Variants in ZNF735 observed in about 807,000 individuals in gnomAD.
ZNF735 encodes the protein zinc finger protein 735.
In ZNF735, 11 loss-of-function variants were observed where a neutral mutation model predicts 13.4. The ratio of observed to expected loss-of-function variants is 0.82; its 90% CI spans 0.52 to 1.36. ZNF735 has a LOEUF of 1.36. Among genes scored for constraint, ZNF735 ranks in the 40% most tolerant of loss-of-function variants. The probability of loss-of-function intolerance (pLI) is 0.00; values close to 1 mark genes in which losing one functional copy is unlikely to be tolerated. For synonymous variants in ZNF735, 171 were observed against 162.6 expected (o/e 1.05, Z -0.39); for missense variants, 500 against 484.6 (o/e 1.03, Z -0.30).
chr7:64,213,937 C>G, intron 2 of ZNF735, 76 bp from the exon 3 acceptor site: 1 of 1,329,750 alleles, frequency 7.5e-7, no homozygotes, highest in Non-Finnish European at 9.9e-7. Context: ...CCAGCCTGAG[C>G]GACAGAGTGA....
At chr7:64,214,930 A>G (rs1286524995) in intron 3 of ZNF735, among the ~76,000 whole-genome samples, 1 of 151,906 alleles carries the variant, frequency 6.6e-6, no homozygotes, top group African/African-American at 2.4e-5. Flanking sequence ...GATGTAAGGT[A>G]ATTTTGTTTT....
chr7:64,213,369 A>G (rs535751096), intron 2 of ZNF735, among the ~76,000 whole-genome samples, 151 bp downstream of exon 2: 1 of 152,046 alleles, frequency 6.6e-6, no homozygotes, highest in Non-Finnish European at 1.5e-5. Context: ...AAATTCTTCA[A>G]GATGTTTTAT....
chr7:64,208,653 TTA>T lies in ZNF735; in HGVS notation c.39+1416_39+1417del, dbSNP rs368072236. ...ATATCATGAAGTTTTTGTGTACAGA[TTA>T]TATTATCACTCACGTACTAAGCATA... On this transcript the variant is annotated intron_variant, in intron 1 of 3. Coordinates refer to ENST00000429565, the Ensembl canonical transcript of ZNF735. 3.2e-3 allele frequency among the ~76,000 whole-genome samples: 480 copies of T among 152,252 alleles called. 6 individuals carry two copies. The highest frequency in any genetic ancestry group is 0.011 in the African/African-American group (453 of 41,538).
In ZNF735 at chr7:64,219,315, T is replaced by C. The variant is rs1319904076; in HGVS notation, c.264T>C (p.Val88=). Residue 88 remains valine, a splice_region_variant and synonymous_variant, in exon 4 of 4, where the codon GTT becomes GTC. Coordinates refer to ENST00000429565, the Ensembl canonical transcript of ZNF735. ...ACTTGTGATTTTTATGTCTTTCAGT[T>C]ACATGTTCTCATTTCAACCAAGACC... 9 of 1,610,828 alleles carry C rather than the reference T, an allele frequency of 5.6e-6. No individual in the cohort carries two copies. The Admixed American group carries it at 1.0e-4, about 18-fold the overall frequency.
intron 1 of ZNF735, among the ~76,000 whole-genome samples, chr7:64,207,490 C>T (rs192948985): frequency 3.6e-4 from 55 of 152,294 alleles, no homozygotes; most frequent in Admixed American, 2.0e-3. Context: ...CCTCTCTGGG[C>T]AGCTCTGCAC....
At position 64,214,055 on chromosome 7, in the gene ZNF735, A is replaced by C. The variant is rs745805774; in HGVS notation, c.209A>C (p.Gln70Pro). ...CCAGACTTGATCGCCTGTCTGGAGC[A>C]AAATAAAGAGCCCCAGAATATAAAG... Residue 70 changes from glutamine to proline, a missense_variant, in exon 3 of 4, where the codon CAA (glutamine) becomes CCA (proline). Gln to Pro is a moderately conservative substitution (Grantham distance 76, BLOSUM62 -1). Coordinates refer to ENST00000429565, the Ensembl canonical transcript of ZNF735. 9 of 1,600,690 alleles carry C rather than the reference A, an allele frequency of 5.6e-6. No individual in the cohort carries two copies. In the Admixed American group the frequency reaches 1.5e-4, roughly 27 times the overall value.
chr7:64,215,591 T>C (rs962995088), intron 3 of ZNF735, among the ~76,000 whole-genome samples: 3 of 152,198 alleles, frequency 2.0e-5, no homozygotes, highest in African/African-American at 7.2e-5. Context: ...ATGACATGTC[T>C]AAGAAAATGG....
At chr7:64,209,614 A>C (rs1253193037) in intron 1 of ZNF735, among the ~76,000 whole-genome samples, 1 of 152,132 alleles carries the variant, frequency 6.6e-6, no homozygotes, top group Non-Finnish European at 1.5e-5. Flanking sequence ...AGTGAGCCGC[A>C]GTGCATGGCC....
At chr7:64,216,493 T>A (rs1194685032) in intron 3 of ZNF735, among the ~76,000 whole-genome samples, 1 of 152,208 alleles carries the variant, frequency 6.6e-6, no homozygotes, top group Non-Finnish European at 1.5e-5. Flanking sequence ...CAAGAATACA[T>A]TGAAGAGTGT....
At chr7:64,212,515 G>T (rs747616691) in intron 1 of ZNF735, among the ~76,000 whole-genome samples, 15 of 152,118 alleles carry the variant, frequency 9.9e-5, no homozygotes, top group Admixed American at 3.9e-4. Flanking sequence ...ATGTCCGACC[G>T]GGTGAGGTGG....
At chr7:64,209,754 T>A (rs773109113) in intron 1 of ZNF735, among the ~76,000 whole-genome samples, 1 of 152,204 alleles carries the variant, frequency 6.6e-6, no homozygotes, top group Non-Finnish European at 1.5e-5. Flanking sequence ...TAACATTAGA[T>A]TTTTAAATTG....
chr7:64,219,975 A>T, exon 4 of ZNF735: 3 of 1,613,084 alleles, frequency 1.9e-6, no homozygotes, highest in Non-Finnish European at 2.5e-6. Context: ...CCTTTAGCGT[A>T]TCCTCAGCCC....
chr7:64,219,906 T>G, exon 4 of ZNF735: 1 of 1,613,864 alleles, frequency 6.2e-7, no homozygotes, highest in Non-Finnish European at 8.5e-7. Context: ...CAACACTTAC[T>G]AACCACAAGA....
intron 1 of ZNF735, among the ~76,000 whole-genome samples, chr7:64,209,346 T>C (rs1425604371): frequency 7.3e-6 from 1 of 137,514 alleles, no homozygotes; most frequent in East Asian, 2.4e-4. Context: ...TCTGGTTTTG[T>C]TGAACTTTTT....
chr7:64,209,322 A>T, intron 1 of ZNF735, among the ~76,000 whole-genome samples: 1 of 141,884 alleles, frequency 7.0e-6, no homozygotes, highest in African/African-American at 2.6e-5. Flanking sequence ...TATTATTTTT[A>T]CACAGAATCA....
intron 1 of ZNF735, 83 bp downstream of exon 1, chr7:64,207,324 TC>T: frequency 6.2e-7 from 1 of 1,613,184 alleles, no homozygotes; most frequent in Non-Finnish European, 8.5e-7. Context: ...GACCCATACT[TC>T]CTCGCAGTCA....
At chr7:64,214,857 AATTTCTTT>A (rs1327350781) in intron 3 of ZNF735, among the ~76,000 whole-genome samples, 18 of 151,660 alleles carry the variant, frequency 1.2e-4, no homozygotes, top group Non-Finnish European at 2.2e-4. Context: ...CATAGGTTTC[AATTTCTTT>A]ACATCATCAA....
chr7:64,210,549 G>C (rs1164301135), intron 1 of ZNF735, among the ~76,000 whole-genome samples: 2 of 152,160 alleles, frequency 1.3e-5, no homozygotes, highest in Non-Finnish European at 2.9e-5. Context: ...AACTTGAGGG[G>C]TTCAAGATAC....
intron 1 of ZNF735, among the ~76,000 whole-genome samples, chr7:64,207,657 T>A (rs900902605): frequency 2.6e-5 from 4 of 152,172 alleles, no homozygotes; most frequent in Admixed American, 2.0e-4. Flanking sequence ...GGAGTCACTG[T>A]AAAAATATTA....
Sources: allele counts gnomAD v4.1 joint callset (sites outside exome capture counted in the v4.1 genomes callset), GRCh38; gene constraint gnomAD v4.1.1; transcripts MANE v1.5; gene names NCBI Gene and HGNC (gene_info 2026-07-23, HGNC 2026-07-21).